TASP1: variants seen among roughly 807,000 people sequenced by gnomAD.
The protein encoded by TASP1 is threonine aspartase 1.
A neutral mutation model predicts 56.6 loss-of-function variants in TASP1; 16 were observed. The observed-to-expected ratio is 0.28, with a 90% CI of 0.19 to 0.43. The LOEUF is 0.43. Among genes scored for constraint, TASP1 ranks in the 20% least tolerant of loss-of-function variants. The pLI is 1.00. For missense variants in TASP1, 393 were observed against 511.6 expected (o/e 0.77, Z 2.24); for synonymous variants, 179 against 184.2 (o/e 0.97, Z 0.23).
At chr20:13,511,958 C>G (rs145840883) in intron 10 of TASP1, among the ~76,000 whole-genome samples, 3,118 of 152,126 alleles carry the variant, frequency 0.02, 109 homozygotes, top group African/African-American at 0.07. Flanking sequence ...TGGCTGTATA[C>G]TATTCCATGG....
chr20:13,516,462 G>A (rs1315596269), intron 10 of TASP1, among the ~76,000 whole-genome samples: 2 of 152,032 alleles, frequency 1.3e-5, no homozygotes, highest in South Asian at 2.1e-4. Flanking sequence ...ATCCAGCCCT[G>A]TTTCTGTGAA....
At chr20:13,152,786 G>C in the TASP1 span, among the ~76,000 whole-genome samples, 1 of 152,204 alleles carries the variant, frequency 6.6e-6, no homozygotes, top group Non-Finnish European at 1.5e-5. Context: ...GGAGGAGGAT[G>C]CTGAACACAA....
rs574515978 is a variant in TASP1, at chr20:13,633,432, T to A, written c.-74-3280A>T. Reference sequence around the variant, plus strand: ...TCTGAATGAATTATTTATAAAAAAATTTTTATTAATTTATTCATTTACGGG... The same window carrying A: ...TCTGAATGAATTATTTATAAAAAAAATTTTATTAATTTATTCATTTACGGG... On this transcript the variant is annotated intron_variant, in intron 1 of 13. Transcript: ENST00000337743. Among the ~76,000 whole-genome samples, 82 of 152,274 alleles carry A rather than the reference T, an allele frequency of 5.4e-4. No individual in the cohort carries two copies. In the East Asian group the frequency reaches 0.01, roughly 19 times the overall value.
chr20:13,612,491 A>AACACACACACACACACAC (rs34343791), intron 4 of TASP1, among the ~76,000 whole-genome samples: 1 of 144,100 alleles, frequency 6.9e-6, no homozygotes, highest in East Asian at 2.1e-4. Context: ...ATTTGTAGCA[A>AACACACACACACACACAC]ACACACACAC....
chr20:13,393,486 G>A (rs1600661751), intron 13 of TASP1: 1 of 785,210 alleles, frequency 1.3e-6, no homozygotes, highest in East Asian at 2.5e-5. Flanking sequence ...CCCCCTCAAG[G>A]GCATCCTGGA....
chr20:13,288,402 C>G, the TASP1 span: 2 of 888,352 alleles, frequency 2.3e-6, no homozygotes, highest in Admixed American at 2.7e-5. Context: ...AACCTTTTAG[C>G]TCCAGCTGAA....
At chr20:13,538,912 G>T (rs1006701267) in intron 8 of TASP1, among the ~76,000 whole-genome samples, 7 of 152,216 alleles carry the variant, frequency 4.6e-5, no homozygotes, top group Admixed American at 4.6e-4. Flanking sequence ...AGCTAGGCAT[G>T]GTGGTGTGCA....
intron 13 of TASP1, among the ~76,000 whole-genome samples, chr20:13,396,119 T>G (rs1332727673): frequency 6.6e-6 from 1 of 152,210 alleles, no homozygotes; most frequent in Non-Finnish European, 1.5e-5. Flanking sequence ...TTGTTTCTAT[T>G]GTGGGCTTTT....
At chr20:13,310,804 A>G in the TASP1 span, among the ~76,000 whole-genome samples, 1 of 152,234 alleles carries the variant, frequency 6.6e-6, no homozygotes, top group South Asian at 2.1e-4. Context: ...GCCAATGGAT[A>G]TATGTAAAGT....
chr20:13,162,938 T>C, the TASP1 span, among the ~76,000 whole-genome samples: 534 of 152,218 alleles, frequency 3.5e-3, no homozygotes, highest in Non-Finnish European at 5.4e-3. Context: ...AACCTAACTC[T>C]GAGCACGAGT....
chr20:13,433,100 A>T (rs2042869772), intron 12 of TASP1, among the ~76,000 whole-genome samples: 1 of 151,978 alleles, frequency 6.6e-6, no homozygotes, highest in Non-Finnish European at 1.5e-5. Flanking sequence ...TACATTAAGT[A>T]TTTCTCCTAA....
chr20:13,255,013 C>A, the TASP1 span, among the ~76,000 whole-genome samples: 1 of 152,208 alleles, frequency 6.6e-6, no homozygotes, highest in African/African-American at 2.4e-5. Context: ...ACGGTCCCTG[C>A]CTCATGGTTC....
chr20:13,336,142 C>T, the TASP1 span, among the ~76,000 whole-genome samples: 1 of 152,142 alleles, frequency 6.6e-6, no homozygotes, highest in Non-Finnish European at 1.5e-5. Context: ...CAGTAAGTTT[C>T]CAGGGGGCCC....
At chr20:13,110,184 A>G in the TASP1 span, 22 of 1,613,732 alleles carry the variant, frequency 1.4e-5, no homozygotes, top group Non-Finnish European at 1.9e-5. Flanking sequence ...AGAGCTTGGA[A>G]AAAGATTCTC....
chr20:13,327,969 A>G, the TASP1 span, among the ~76,000 whole-genome samples: 1 of 152,234 alleles, frequency 6.6e-6, no homozygotes. Flanking sequence ...ATCTAATTAA[A>G]CTAAAGAGCG....
the TASP1 span, among the ~76,000 whole-genome samples, chr20:13,118,639 A>C: frequency 5.9e-5 from 9 of 152,258 alleles, no homozygotes; most frequent in African/African-American, 2.2e-4. Flanking sequence ...TGTCCCAAAG[A>C]GCAGATGTGA....
chr20:13,384,515 T>C (rs549662123), downstream of TASP1, among the ~76,000 whole-genome samples: 1 of 152,272 alleles, frequency 6.6e-6, no homozygotes, highest in South Asian at 2.1e-4. Context: ...AAAAAAAAGA[T>C]TGCCTGGTCA....
chr20:13,124,583 G>T, the TASP1 span, among the ~76,000 whole-genome samples: 1 of 152,040 alleles, frequency 6.6e-6, no homozygotes, highest in Admixed American at 6.6e-5. Context: ...GAAAGGGGGG[G>T]ATTCAGAATG....
At chr20:13,339,871 T>G in the TASP1 span, among the ~76,000 whole-genome samples, 2 of 152,092 alleles carry the variant, frequency 1.3e-5, no homozygotes. Flanking sequence ...TGAAGTCTTT[T>G]GCTTGATTCC....
Sources: allele counts gnomAD v4.1 joint callset (sites outside exome capture counted in the v4.1 genomes callset), GRCh38; gene constraint gnomAD v4.1.1; transcripts MANE v1.5; gene names NCBI Gene and HGNC (gene_info 2026-07-23, HGNC 2026-07-21).